MAP2K6: variants seen among roughly 807,000 people sequenced by gnomAD.
MAP2K6 encodes the protein dual specificity mitogen-activated protein kinase kinase 6.
MAP2K6 carries 16 observed loss-of-function variants against 53.7 expected under a neutral mutation model. That is an observed-to-expected ratio of 0.30 (90% CI 0.20 to 0.45). The LOEUF (loss-of-function observed/expected upper bound fraction) is 0.45, where lower values mean the gene tolerates loss of function less well. Among genes scored for constraint, MAP2K6 ranks in the 20% least tolerant of loss-of-function variants. The pLI is 1.00. For synonymous variants in MAP2K6, 132 were observed against 143.1 expected, an observed-to-expected ratio of 0.92 and a Z score of 0.55; for missense variants, 204 against 411.9, an observed-to-expected ratio of 0.50 and a Z score of 4.37.
At position 69,451,781 on chromosome 17, in the gene MAP2K6, A is replaced by G. The variant is rs567693309; in HGVS notation, c.16+36781A>G. Among the ~76,000 whole-genome samples the G allele has an allele frequency of 1.1e-3, 165 of 152,294 alleles. 3 individuals carry two copies. Among genetic ancestry groups the G allele is most frequent in the Non-Finnish European group, 1.4e-3 (96 of 68,012 alleles). On this transcript the variant is annotated intron_variant, in intron 1 of 11. Coordinates refer to ENST00000590474, the MANE Select transcript of MAP2K6 (RefSeq NM_002758.4). ...ATGACTGGATACAGGCTGCCCCTGC[A>G]GAGGGGCACATAACCATAGTGAAGT...
At chr17:69,499,514 T>C (rs1341319080) in intron 1 of MAP2K6, among the ~76,000 whole-genome samples, 2 of 152,234 alleles carry the variant, frequency 1.3e-5, no homozygotes, top group Non-Finnish European at 2.9e-5. Flanking sequence ...TTGAAATGAT[T>C]CTTATTGATG....
At chr17:69,505,002 T>G (rs1410726494) in intron 1 of MAP2K6, among the ~76,000 whole-genome samples, 1 of 152,008 alleles carries the variant, frequency 6.6e-6, no homozygotes, top group Non-Finnish European at 1.5e-5. Flanking sequence ...CATTGCTAAC[T>G]TTGTAGTAGT....
intron 9 of MAP2K6, 78 bp from the exon 10 acceptor site, chr17:69,526,492 A>C (rs1299587185): frequency 6.6e-7 from 1 of 1,503,966 alleles, no homozygotes; most frequent in Middle Eastern, 2.3e-4. Flanking sequence ...CCTGCTGTCT[A>C]TCCACAAATG....
chr17:69,500,730 T>TG (rs955444071), intron 1 of MAP2K6, among the ~76,000 whole-genome samples: 10 of 147,916 alleles, frequency 6.8e-5, no homozygotes, highest in African/African-American at 2.5e-4. Context: ...TACTCCAGGC[T>TG]GGGTGACAGA....
At chr17:69,540,912 G>A (rs1194463776) in intron 11 of MAP2K6, among the ~76,000 whole-genome samples, 2 of 152,164 alleles carry the variant, frequency 1.3e-5, no homozygotes, top group African/African-American at 2.4e-5. Context: ...TTCCTTGCAC[G>A]TTTACTGTTC....
chr17:69,432,764 T>C (rs1906506800), intron 1 of MAP2K6, among the ~76,000 whole-genome samples: 1 of 149,328 alleles, frequency 6.7e-6, no homozygotes, highest in African/African-American at 2.5e-5. Context: ...CGTTTACCTA[T>C]GTAACAAACC....
intron 10 of MAP2K6, among the ~76,000 whole-genome samples, chr17:69,530,493 C>A (rs1351279968): frequency 6.6e-6 from 1 of 152,094 alleles, no homozygotes; most frequent in Non-Finnish European, 1.5e-5. Flanking sequence ...TATCAGTTGT[C>A]TAAAATAGTC....
chr17:69,423,108 C>G (rs1200530919), intron 1 of MAP2K6, among the ~76,000 whole-genome samples: 1 of 152,142 alleles, frequency 6.6e-6, no homozygotes, highest in Non-Finnish European at 1.5e-5. Context: ...TGATCTCGAT[C>G]TCTTGACCTT....
intron 1 of MAP2K6, among the ~76,000 whole-genome samples, chr17:69,418,309 G>A (rs564443934): frequency 6.6e-6 from 1 of 152,118 alleles, no homozygotes; most frequent in African/African-American, 2.4e-5. Context: ...ATTTAATGTT[G>A]GAGAAAAGAG....
chr17:69,429,064 A>G (rs1400154916), intron 1 of MAP2K6, among the ~76,000 whole-genome samples: 1 of 152,008 alleles, frequency 6.6e-6, no homozygotes, highest in Admixed American at 6.6e-5. Context: ...AGATACAGGG[A>G]CAGGACTTGG....
At chr17:69,523,817 G>T (rs2521356) in intron 8 of MAP2K6, among the ~76,000 whole-genome samples, 176 bp downstream of exon 8, 1 of 151,984 alleles carries the variant, frequency 6.6e-6, no homozygotes, top group Non-Finnish European at 1.5e-5. Context: ...CACTTGCTTC[G>T]TATATTGTCT....
rs1025357858 is a variant in MAP2K6 at position 69,544,498 on chromosome 17, G to A, written c.*2745G>A. ...TATATATAAAGACATCTGTGTTCAC[G>A]GATGACCCTCAAAATAGTTAATGCC... is the stretch of plus-strand genomic sequence containing the variant. On this transcript the variant is annotated 3_prime_UTR_variant, in exon 12 of 12. Transcript: ENST00000590474. 3 of 152,028 alleles carry A rather than the reference G, an allele frequency of 2.0e-5. No homozygotes were observed. Among genetic ancestry groups the A allele is most frequent in the East Asian group, 1.9e-4 (1 of 5,198 alleles). 9.4% of individuals were successfully genotyped at this position (152,028 alleles called of 1,614,324 possible).
intron 1 of MAP2K6, among the ~76,000 whole-genome samples, chr17:69,425,683 T>C (rs1363013147): frequency 6.6e-6 from 1 of 152,216 alleles, no homozygotes; most frequent in Admixed American, 6.5e-5. Context: ...TCAGTTGTTT[T>C]TCATGATCCC....
intron 2 of MAP2K6, among the ~76,000 whole-genome samples, chr17:69,510,239 C>T (rs973943759): frequency 5.3e-5 from 8 of 152,052 alleles, no homozygotes; most frequent in Admixed American, 4.6e-4. Flanking sequence ...TTTGATCTGT[C>T]GATATGTAGA....
chr17:69,537,836 G>C (rs767934039), intron 11 of MAP2K6, among the ~76,000 whole-genome samples: 1 of 152,162 alleles, frequency 6.6e-6, no homozygotes, highest in Non-Finnish European at 1.5e-5. Context: ...CATAGTACAT[G>C]TTTAAGTTGA....
intron 9 of MAP2K6, among the ~76,000 whole-genome samples, chr17:69,526,163 C>T (rs1270337842): frequency 6.6e-6 from 1 of 152,152 alleles, no homozygotes; most frequent in Non-Finnish European, 1.5e-5. Flanking sequence ...GTCATTTCAC[C>T]AAGGGACCTG....
At chr17:69,471,019 C>T (rs575230076) in intron 1 of MAP2K6, among the ~76,000 whole-genome samples, 7 of 152,206 alleles carry the variant, frequency 4.6e-5, no homozygotes, top group African/African-American at 1.4e-4. Flanking sequence ...AGGACAGTAC[C>T]TGCACACAGG....
At chr17:69,428,931 A>AACACACAC (rs140138538) in intron 1 of MAP2K6, among the ~76,000 whole-genome samples, 46,146 of 136,464 alleles carry the variant, frequency 0.34, 8,138 homozygotes, top group Non-Finnish European at 0.4. Flanking sequence ...TAAATTAGAG[A>AACACACAC]ACACACACAC....
chr17:69,547,034 A>G lies in MAP2K6; in HGVS notation c.*5281A>G, dbSNP rs1911903876. On this transcript the variant is annotated 3_prime_UTR_variant, in exon 12 of 12. Coordinates refer to ENST00000590474, the MANE Select transcript of MAP2K6 (RefSeq NM_002758.4). ...GTTCCTCTTGTGTTTGAGTGCCTCT[A>G]GCACTGTTAAATGTGCTGACAGCTA... 6.6e-6 allele frequency: 1 copy of G among 151,894 alleles called. No individual in the cohort carries two copies. The highest frequency in any genetic ancestry group is 2.4e-5 in the African/African-American group (1 of 41,328). The allele number at this position is 151,894 out of a possible 1,614,324, so 9.4% of individuals were successfully genotyped here. A position where few individuals can be genotyped will look rare whatever the true frequency, so the allele number is the denominator to read the frequency against.
Sources: allele counts gnomAD v4.1 joint callset (sites outside exome capture counted in the v4.1 genomes callset), GRCh38; gene constraint gnomAD v4.1.1; transcripts MANE v1.5; gene names NCBI Gene and HGNC (gene_info 2026-07-23, HGNC 2026-07-21).